Variants in LRRC69 observed in about 807,000 individuals in gnomAD.
LRRC69 encodes the protein leucine-rich repeat-containing protein 69.
A neutral mutation model predicts 37.8 loss-of-function variants in LRRC69; 42 were observed. That is an observed-to-expected ratio of 1.11 (90% CI 0.87 to 1.44). The LOEUF (loss-of-function observed/expected upper bound fraction) is 1.44, where lower values mean the gene tolerates loss of function less well. Ranked by LOEUF, LRRC69 falls within the 40% of genes most tolerant of loss-of-function variation. The pLI is 0.00. For synonymous variants in LRRC69, 141 were observed against 143.1 expected (o/e 0.99, Z 0.11); for missense variants, 357 against 401.9 (o/e 0.89, Z 0.96).
At chr8:91,124,707 G>T (rs572787718) in intron 2 of LRRC69, 88 bp downstream of exon 2, 5 of 1,185,708 alleles carry the variant, frequency 4.2e-6, no homozygotes, top group Admixed American at 6.9e-5. Flanking sequence ...AAAGAATTTT[G>T]CATGTTTAAT....
intron 7 of LRRC69, among the ~76,000 whole-genome samples, chr8:91,209,312 C>T (rs984083026): frequency 1.3e-5 from 2 of 152,036 alleles, no homozygotes; most frequent in African/African-American, 2.4e-5. Context: ...ACCTGTAATC[C>T]CAGCTACTCG....
At chr8:91,181,289 C>T (rs1389680295) in intron 5 of LRRC69, among the ~76,000 whole-genome samples, 1 of 151,996 alleles carries the variant, frequency 6.6e-6, no homozygotes, top group African/African-American at 2.4e-5. Context: ...AGAGTCATTG[C>T]TGGGCACATT....
At chr8:91,148,272 C>T (rs999804044) in intron 5 of LRRC69, among the ~76,000 whole-genome samples, 5 of 151,590 alleles carry the variant, frequency 3.3e-5, no homozygotes, top group Admixed American at 2.0e-4. Context: ...GTGATGTTCC[C>T]CTTCCTGTGT....
rs1338800083 is a variant in LRRC69 at position 91,197,564 on chromosome 8, C to A, written c.754-3049C>A. Reference sequence around the variant, plus strand: ...CTCGTGGTGCGCCGTTTTTTAAGCCCGTCGGAAAAGCGCAGTATTAGGGTG... The same window carrying A: ...CTCGTGGTGCGCCGTTTTTTAAGCCAGTCGGAAAAGCGCAGTATTAGGGTG... On this transcript the variant is annotated intron_variant, in intron 6 of 7. Transcript: ENST00000448384. Among the ~76,000 whole-genome samples the A allele has an allele frequency of 4.6e-5, 7 of 152,156 alleles. No individual in the cohort carries two copies. In the South Asian group the frequency reaches 1.5e-3, roughly 32 times the overall value.
At chr8:91,195,911 C>T (rs1407724273) in intron 6 of LRRC69, among the ~76,000 whole-genome samples, 1 of 152,114 alleles carries the variant, frequency 6.6e-6, no homozygotes, top group Non-Finnish European at 1.5e-5. Context: ...TTATTTTGCT[C>T]ATTAGTTGAT....
chr8:91,208,473 G>C (rs1809845684), intron 7 of LRRC69, among the ~76,000 whole-genome samples: 1 of 152,126 alleles, frequency 6.6e-6, no homozygotes, highest in Non-Finnish European at 1.5e-5. Flanking sequence ...AGGGACAGAA[G>C]GGCAAAACAG....
chr8:91,110,130 T>C (rs1364092254), intron 1 of LRRC69, among the ~76,000 whole-genome samples: 1 of 152,074 alleles, frequency 6.6e-6, no homozygotes, highest in Non-Finnish European at 1.5e-5. Flanking sequence ...ATGTATATTA[T>C]ATACTATTTG....
At chr8:91,196,296 G>C (rs375803215) in intron 6 of LRRC69, among the ~76,000 whole-genome samples, 12,450 of 151,086 alleles carry the variant, frequency 0.082, 598 homozygotes, top group Middle Eastern at 0.16. Flanking sequence ...TTCATTTCAA[G>C]TTTGGTGAAT....
At chr8:91,155,774 A>G (rs1808822724) in intron 5 of LRRC69, among the ~76,000 whole-genome samples, 2 of 150,538 alleles carry the variant, frequency 1.3e-5, no homozygotes, top group Admixed American at 1.3e-4. Flanking sequence ...ACTTAATATA[A>G]TGTCCTCCAG....
At chr8:91,132,997 A>G (rs1813833885) in intron 3 of LRRC69, 113 bp from the exon 4 acceptor site, 5 of 615,664 alleles carry the variant, frequency 8.1e-6, no homozygotes, top group Non-Finnish European at 1.3e-5. Context: ...AAGTAAGCTC[A>G]GAAGAGCTAC....
intron 7 of LRRC69, among the ~76,000 whole-genome samples, chr8:91,214,972 T>C (rs895565083): frequency 1.3e-5 from 2 of 152,016 alleles, no homozygotes; most frequent in Non-Finnish European, 2.9e-5. Flanking sequence ...TGGCTCATGG[T>C]TCCTTTCTTC....
chr8:91,150,829 G>A (rs544967417), intron 5 of LRRC69, among the ~76,000 whole-genome samples: 7 of 151,764 alleles, frequency 4.6e-5, no homozygotes, highest in African/African-American at 1.2e-4. Flanking sequence ...TGTATGTGTC[G>A]AGGAATTTAT....
intron 1 of LRRC69, among the ~76,000 whole-genome samples, chr8:91,118,985 C>A (rs1280996984): frequency 1.3e-5 from 2 of 151,966 alleles, no homozygotes; most frequent in African/African-American, 4.8e-5. Flanking sequence ...ATTGCATTAT[C>A]TTGTTGTCTT....
Position 91,102,917 on chromosome 8 carries a change from G to C in LRRC69, c.183+73G>C, listed in dbSNP as rs1032919943. On this transcript the variant is annotated intron_variant, in intron 1 of 7. Coordinates refer to ENST00000448384, the Ensembl canonical transcript of LRRC69. ...ACAGGAAGAGAGAAAAAAGGGGTAA[G>C]AGACAGAACAATAACACTTCGATCT... The C allele has an allele frequency of 2.6e-5, 36 of 1,361,412 alleles. No individual in the cohort carries two copies. The African/African-American group carries it at 4.3e-4, about 16-fold the overall frequency. The allele number at this position is 1,361,412 out of a possible 1,614,324, so 84.3% of individuals were successfully genotyped here.
At chr8:91,149,994 T>C (rs1451204905) in intron 5 of LRRC69, among the ~76,000 whole-genome samples, 1 of 152,066 alleles carries the variant, frequency 6.6e-6, no homozygotes, top group Middle Eastern at 3.4e-3. Flanking sequence ...GCTGAGACAA[T>C]GGGGTTTTCT....
chr8:91,159,953 C>T (rs1406847871), intron 5 of LRRC69, among the ~76,000 whole-genome samples: 6 of 150,508 alleles, frequency 4.0e-5, no homozygotes, highest in African/African-American at 1.5e-4. Context: ...AAAGTCAATC[C>T]CCACCTTAAA....
At chr8:91,136,526 C>A (rs1182584678) in intron 5 of LRRC69, among the ~76,000 whole-genome samples, 3 of 151,758 alleles carry the variant, frequency 2.0e-5, no homozygotes, top group African/African-American at 7.3e-5. Context: ...TAAAATTTAC[C>A]ATTTTAATCA....
chr8:91,200,359 C>A (rs999937900), intron 6 of LRRC69, among the ~76,000 whole-genome samples: 1 of 152,144 alleles, frequency 6.6e-6, no homozygotes, highest in Non-Finnish European at 1.5e-5. Flanking sequence ...AAATGTATTA[C>A]GACTTGGATT....
intron 6 of LRRC69, among the ~76,000 whole-genome samples, chr8:91,194,375 G>T (rs148506342): frequency 0.018 from 2,777 of 151,582 alleles, 158 homozygotes; most frequent in African/African-American, 0.064. Context: ...ATGAGTTAGG[G>T]AGGATTCTCT....
Sources: allele counts gnomAD v4.1 joint callset (sites outside exome capture counted in the v4.1 genomes callset), GRCh38; gene constraint gnomAD v4.1.1; transcripts MANE v1.5; gene names NCBI Gene and HGNC (gene_info 2026-07-23, HGNC 2026-07-21).